The following DUOX2 variants were observed in gnomAD, a reference collection of about 807,000 sequenced individuals.
The protein encoded by DUOX2 is dual oxidase 2.
Under a neutral mutation model 183.3 loss-of-function variants are expected in DUOX2, and 185 were observed. That is an observed-to-expected ratio of 1.01 (90% CI 0.90 to 1.14). The LOEUF is 1.14. DUOX2 is among the 50% of genes most tolerant of loss of function. The pLI, the probability that DUOX2 is intolerant of heterozygous loss-of-function variation, is 0.00. For missense variants in DUOX2, 1,999 were observed against 2,022.9 expected (o/e 0.99, Z 0.23); for synonymous variants, 788 against 812.4 (o/e 0.97, Z 0.51).
chr15:45,102,079 T>C, intron 20 of DUOX2, 90 bp from the exon 21 acceptor site: 3 of 1,504,630 alleles, frequency 2.0e-6, no homozygotes, highest in African/African-American at 1.4e-5. Flanking sequence ...GATTATCTAA[T>C]GTGGTTACCA....
intron 18 of DUOX2, among the ~76,000 whole-genome samples, chr15:45,104,914 G>A (rs1047523294): frequency 2.0e-5 from 3 of 152,156 alleles, no homozygotes; most frequent in East Asian, 1.9e-4. Flanking sequence ...TCCGCCACCC[G>A]GGTTCAAGCG....
At chr15:45,094,801 C>T in intron 32 of DUOX2, 110 bp from the exon 33 acceptor site, 6 of 1,597,124 alleles carry the variant, frequency 3.8e-6, no homozygotes, top group Non-Finnish European at 5.1e-6. Context: ...GAGCTGGAGG[C>T]TGAGGATCAG....
intron 32 of DUOX2, 58 bp downstream of exon 32, chr15:45,094,878 C>A: frequency 6.2e-7 from 1 of 1,610,384 alleles, no homozygotes; most frequent in Non-Finnish European, 8.5e-7. Context: ...GCCATCCTGC[C>A]TTACGCTGCC....
intron 20 of DUOX2, among the ~76,000 whole-genome samples, chr15:45,102,974 C>T (rs549429299): frequency 3.3e-5 from 5 of 152,202 alleles, no homozygotes; most frequent in East Asian, 1.9e-4. Context: ...AGAGTGACTC[C>T]GTCTCAAAAC....
At chr15:45,109,822 G>C (rs1894329017) in intron 10 of DUOX2, 68 bp downstream of exon 10, 1 of 1,510,268 alleles carries the variant, frequency 6.6e-7, no homozygotes, top group African/African-American at 1.4e-5. Flanking sequence ...TGGGATTGTT[G>C]CTTTTCCCAG....
In DUOX2 at chr15:45,107,864, A is replaced by AG. The variant is rs1175586947; in HGVS notation, c.1574+182_1574+183insC. Among the ~76,000 whole-genome samples, 7 of 78,530 alleles carry AG rather than the reference A, an allele frequency of 8.9e-5. 1 individual carries two copies. Among genetic ancestry groups the AG allele is most frequent in the Admixed American group, 8.2e-4 (5 of 6,082 alleles). The allele number at this position is 78,530 out of a possible 152,430, so 51.5% of individuals were successfully genotyped here. On this transcript the variant is annotated intron_variant, in intron 13 of 33. Coordinates refer to ENST00000389039, the MANE Select transcript of DUOX2 (RefSeq NM_001363711.2). ...AGACTCTGCCTCAAAAAAAAAAAAA[A>AG]AAAAAAAAGAAAAAGAAAAAGAAAA... is the stretch of plus-strand genomic sequence containing the variant.
At position 45,111,773 on chromosome 15, in the gene DUOX2, C is replaced by G. The variant is rs763917063; in HGVS notation, c.508G>C (p.Asp170His). 6.2e-7 allele frequency: 1 copy of G among 1,601,570 alleles called. No individual in the cohort carries two copies. The highest frequency in any genetic ancestry group is 1.3e-5 in the African/African-American group (1 of 74,542). ...ETGRSPSNPR[D>H]LANQVTGWLD... ...CGCCGCCTTCCCCGCCTCACCAGGTCCCGGGGGTTGCTGGGACTCCGTCCG... is the reference window on the plus strand; with the variant it reads ...CGCCGCCTTCCCCGCCTCACCAGGTGCCGGGGGTTGCTGGGACTCCGTCCG... The change falls in exon 5 of 34, where the codon GAC becomes CAC. Residue 170 changes from aspartate (D) to histidine (H), a missense_variant. Physicochemically the swap from Asp to His is moderately conservative, Grantham distance 81. Coordinates refer to ENST00000389039, the MANE Select transcript of DUOX2 (RefSeq NM_001363711.2).
rs1750095883 is a variant in DUOX2 at position 45,094,075 on chromosome 15, G to T, written c.*75C>A. 3 of 1,607,242 alleles carry T rather than the reference G, an allele frequency of 1.9e-6. No homozygotes were observed. Among genetic ancestry groups the T allele is most frequent in the Admixed American group, 3.3e-5 (2 of 59,986 alleles). Reference sequence around the variant, plus strand: ...TAAGGTGGATTCTGATGGAGAGATTGCCAGCAGGGCTGGGCAACTTAGGTG... The same window carrying T: ...TAAGGTGGATTCTGATGGAGAGATTTCCAGCAGGGCTGGGCAACTTAGGTG... On this transcript the variant is annotated 3_prime_UTR_variant, in exon 34 of 34. Transcript: ENST00000389039.
chr15:45,111,548 A>T lies in DUOX2; in HGVS notation c.551T>A (p.Ile184Asn). Residue 184 changes from isoleucine (I) to asparagine (N), a missense_variant, in exon 6 of 34, where the codon ATC (isoleucine) becomes AAC (asparagine). Ile to Asn is a moderately radical substitution (Grantham distance 149). Around this residue, in one of 3 missense-constraint regions of DUOX2, gnomAD observed 356 missense variants for 356.4 expected, o/e 1.00. Transcript: ENST00000389039. Reference protein sequence around the residue: ...QVTGWLDGSAIYGSSHSWSDA... With the variant: ...QVTGWLDGSANYGSSHSWSDA... ...GCTCCAGGAGTGCGAGGAGCCATAG[A>T]TGGCGCTGCCGTCCAGCCAGCCCGT... 4 of 1,553,314 alleles carry T rather than the reference A, an allele frequency of 2.6e-6. No homozygotes were observed. Among genetic ancestry groups the T allele is most frequent in the Non-Finnish European group, 3.5e-6 (4 of 1,153,144 alleles).
intron 32 of DUOX2, 54 bp downstream of exon 32, chr15:45,094,882 C>T (rs567910901): frequency 4.5e-5 from 72 of 1,610,518 alleles, no homozygotes; most frequent in South Asian, 1.3e-4. Context: ...TCCTGCCTTA[C>T]GCTGCCAATC....
chr15:45,104,167 G>A lies in DUOX2; in HGVS notation c.2533C>T (p.Leu845=). The change falls in exon 19 of 34, where the codon CTG becomes TTG. Residue 845 remains leucine (L), a synonymous_variant. Coordinates refer to ENST00000389039, the MANE Select transcript of DUOX2 (RefSeq NM_001363711.2). ...GNGYLSFREF[L]DILVVFMKGS... ...TTCATGAAGACCACCAGGATGTCCA[G>A]GAACTCTCGGAAGGACAGGTAGCCA... The A allele has an allele frequency of 6.2e-7, 1 of 1,614,176 alleles. No homozygotes were observed. The highest frequency in any genetic ancestry group is 8.5e-7 in the Non-Finnish European group (1 of 1,180,032).
intron 30 of DUOX2, 114 bp downstream of exon 30, chr15:45,095,714 T>C: frequency 6.5e-7 from 1 of 1,546,752 alleles, no homozygotes. Flanking sequence ...GGCACCCCGG[T>C]CCTCTCCCAG....
rs752785319 is a variant in DUOX2, at chr15:45,099,669, G to T, written c.3408C>A (p.Val1136=). The T allele has an allele frequency of 2.5e-6, 4 of 1,614,192 alleles. No individual in the cohort carries two copies. The highest frequency in any genetic ancestry group is 4.5e-5 in the East Asian group (2 of 44,888). ...AGCCTGGGAGTCACGTACTGGCCAGGACAACAGCAGCCATGGCGATCCAGC... is the reference window on the plus strand; with the variant it reads ...AGCCTGGGAGTCACGTACTGGCCAGTACAACAGCAGCCATGGCGATCCAGC... ...FHRWIAMAAV[V]LAILHSAGHA... The change falls in exon 25 of 34, where the codon GTC becomes GTA. Residue 1136 remains valine (V), a synonymous_variant. Coordinates refer to ENST00000389039, the MANE Select transcript of DUOX2 (RefSeq NM_001363711.2).
Position 45,111,600 on chromosome 15 carries a change from G to T in DUOX2, c.514-15C>A. ...ACCTGGTTGGCCTGCGGGGCACGCG[G>T]CGGGTGAGCCCGGGTCGAGAGGCGG... On this transcript the variant is annotated splice_polypyrimidine_tract_variant and intron_variant, in intron 5 of 33. Coordinates refer to ENST00000389039, the MANE Select transcript of DUOX2 (RefSeq NM_001363711.2). The T allele has an allele frequency of 2.6e-6, 4 of 1,526,278 alleles. No homozygotes were observed. Among genetic ancestry groups the T allele is most frequent in the Non-Finnish European group, 3.5e-6 (4 of 1,142,436 alleles). 94.5% of individuals were successfully genotyped at this position (1,526,278 alleles called of 1,614,324 possible).
In DUOX2 at chr15:45,104,132, C is replaced by G. The variant is rs759558634; in HGVS notation, c.2560+8G>C. The G allele has an allele frequency of 1.9e-6, 3 of 1,614,182 alleles. No homozygotes were observed. In the Admixed American group the frequency reaches 5.0e-5, roughly 27 times the overall value. ...TCTTGGATAGCCTGCCACCTCCCAGCCCCCTACCTTTCATGAAGACCACCA... is the reference window on the plus strand; with the variant it reads ...TCTTGGATAGCCTGCCACCTCCCAGGCCCCTACCTTTCATGAAGACCACCA... On this transcript the variant is annotated splice_region_variant and intron_variant, in intron 19 of 33. Coordinates refer to ENST00000389039, the MANE Select transcript of DUOX2 (RefSeq NM_001363711.2).
chr15:45,112,928 T>C, intron 3 of DUOX2, 59 bp downstream of exon 3: 1 of 1,595,512 alleles, frequency 6.3e-7, no homozygotes. Flanking sequence ...CTCAGGGCCT[T>C]TCGCGCCCCG....
chr15:45,109,671 C>G (rs372788852), intron 10 of DUOX2, 45 bp from the exon 11 acceptor site: 5 of 1,597,142 alleles, frequency 3.1e-6, no homozygotes, highest in Non-Finnish European at 3.4e-6. Flanking sequence ...ACCCAAAACT[C>G]GGTCTCTCTC....
rs1286947700 is a variant in DUOX2 at position 45,103,940 on chromosome 15, T to C, written c.2654+20A>G. On this transcript the variant is annotated intron_variant, in intron 20 of 33. Coordinates refer to ENST00000389039, the MANE Select transcript of DUOX2 (RefSeq NM_001363711.2). ...GAAACACACCAGGAAGTCTCAGGATTAGAAAGGCACACCCCATACCGCATC... is the reference window on the plus strand; with the variant it reads ...GAAACACACCAGGAAGTCTCAGGATCAGAAAGGCACACCCCATACCGCATC... 6.2e-7 allele frequency: 1 copy of C among 1,613,702 alleles called. No individual in the cohort carries two copies. Among genetic ancestry groups the C allele is most frequent in the Admixed American group, 1.7e-5 (1 of 60,022 alleles).
chr15:45,098,303 G>A (rs1184043951), intron 26 of DUOX2, among the ~76,000 whole-genome samples: 1 of 152,194 alleles, frequency 6.6e-6, no homozygotes, highest in Non-Finnish European at 1.5e-5. Context: ...CTGCTTCCTT[G>A]AGTCCCTGGT....
Sources: gnomAD v4.1 joint callset for allele counts (sites outside exome capture counted in the v4.1 genomes callset) on GRCh38, gnomAD v4.1.1 for gene constraint, gnomAD v4.1.1 regional missense constraint, MANE v1.5 for transcripts, NCBI Gene and HGNC (gene_info 2026-07-23, HGNC 2026-07-21) for gene names.